PCDHA11: variants seen among roughly 807,000 people sequenced by gnomAD.
PCDHA11 encodes the protein protocadherin alpha 11.
PCDHA11 carries 61 observed loss-of-function variants against 70.3 expected under a neutral mutation model. The observed-to-expected ratio is 0.87, with a 90% CI of 0.71 to 1.07. The LOEUF (loss-of-function observed/expected upper bound fraction) is 1.07. Ranked by LOEUF, PCDHA11 falls within the 50% of genes least tolerant of loss-of-function variation. The pLI is 0.00. For synonymous variants in PCDHA11, 633 were observed against 555.1 expected (o/e 1.14, Z -1.97); for missense variants, 1,324 against 1,237.5 (o/e 1.07, Z -1.05).
chr5:140,870,132 C>T lies in PCDHA11; in HGVS notation c.1029C>T (p.Asn343=), dbSNP rs371110623. Residue 343 remains asparagine, a synonymous_variant, in exon 1 of 4, where the codon AAC becomes AAT. Coordinates refer to ENST00000398640, the MANE Select transcript of PCDHA11 (RefSeq NM_018902.5). ...TCTGGGTGGAAATCTTGGACACCAA[C>T]GATAACTCTCCTGAAGTCGCCGTGA... ...CTVWVEILDT[N]DNSPEVAVTS... 43 of 1,613,852 alleles carry T rather than the reference C, an allele frequency of 2.7e-5. No individual in the cohort carries two copies. Among genetic ancestry groups the T allele is most frequent in the East Asian group, 4.5e-5 (2 of 44,894 alleles).
intron 1 of PCDHA11, among the ~76,000 whole-genome samples, chr5:140,953,275 C>G (rs1290645865): frequency 6.6e-6 from 1 of 152,074 alleles, no homozygotes; most frequent in African/African-American, 2.4e-5. Context: ...AGCCTTTGCT[C>G]TTTATATGTG....
At chr5:140,952,242 C>T (rs1469286013) in intron 1 of PCDHA11, among the ~76,000 whole-genome samples, 2 of 151,750 alleles carry the variant, frequency 1.3e-5, no homozygotes, top group African/African-American at 4.8e-5. Context: ...CTGCTTAGAA[C>T]TGCTGGTGGA....
intron 1 of PCDHA11, chr5:140,926,972 C>G (rs782504064): frequency 1.3e-5 from 21 of 1,609,464 alleles, no homozygotes; most frequent in Non-Finnish European, 1.7e-5. Context: ...TACTCAGTGC[C>G]GGAGGAGACG....
rs371212960 is a variant in PCDHA11 at position 140,891,914 on chromosome 5, C to T, written c.2391+20420C>T. ...GCAGCAAGAAGATCTTCACCAGATG[C>T]TGGTGCCTTGATCTTGGACTTCCCC... On this transcript the variant is annotated intron_variant, in intron 1 of 3. Transcript: ENST00000398640. Among the ~76,000 whole-genome samples the T allele has an allele frequency of 2.6e-3, 395 of 152,328 alleles. 2 individuals carry two copies. The highest frequency in any genetic ancestry group is 9.2e-3 in the African/African-American group (384 of 41,572).
chr5:140,927,236 T>G, intron 1 of PCDHA11: 1 of 1,614,120 alleles, frequency 6.2e-7, no homozygotes, highest in Non-Finnish European at 8.5e-7. Context: ...ATTCACGTCC[T>G]GGACACCAAT....
intron 1 of PCDHA11, chr5:140,926,589 G>A: frequency 3.4e-6 from 1 of 292,780 alleles, no homozygotes; most frequent in Non-Finnish European, 6.2e-6. Context: ...TCTCGCGCCC[G>A]GGCGGGCGGC....
At chr5:140,915,772 G>A (rs1282338375) in intron 1 of PCDHA11, among the ~76,000 whole-genome samples, 1 of 151,950 alleles carries the variant, frequency 6.6e-6, no homozygotes, top group East Asian at 1.9e-4. Flanking sequence ...CTTGTCCAAG[G>A]CCTGCTGTAA....
intron 1 of PCDHA11, among the ~76,000 whole-genome samples, chr5:140,890,874 C>T (rs1337922727): frequency 6.6e-6 from 1 of 152,082 alleles, no homozygotes; most frequent in Admixed American, 6.6e-5. Flanking sequence ...CCCCTCTGAC[C>T]TTTCATCAGG....
chr5:140,988,247 TC>T (rs2097289620), intron 3 of PCDHA11, among the ~76,000 whole-genome samples: 1 of 152,148 alleles, frequency 6.6e-6, no homozygotes, highest in Admixed American at 6.5e-5. Context: ...GTGGGGCAGC[TC>T]CCGCCTGTGA....
intron 1 of PCDHA11, among the ~76,000 whole-genome samples, chr5:140,959,621 A>G (rs1198133284): frequency 6.6e-6 from 1 of 152,152 alleles, no homozygotes; most frequent in African/African-American, 2.4e-5. Flanking sequence ...CTTGTGATAG[A>G]AAAAAAGAGA....
At chr5:140,908,933 C>T (rs1554193565) in intron 1 of PCDHA11, among the ~76,000 whole-genome samples, 1 of 152,186 alleles carries the variant, frequency 6.6e-6, no homozygotes, top group East Asian at 1.9e-4. Context: ...AATGCAGCAA[C>T]TTATCCTTCA....
At chr5:141,000,824 T>C (rs1477357302) in intron 3 of PCDHA11, among the ~76,000 whole-genome samples, 1 of 152,064 alleles carries the variant, frequency 6.6e-6, no homozygotes, top group Non-Finnish European at 1.5e-5. Context: ...GGAGGATCAC[T>C]TGAGTCCAGG....
At chr5:140,915,368 T>G (rs1281630689) in intron 1 of PCDHA11, among the ~76,000 whole-genome samples, 1 of 152,216 alleles carries the variant, frequency 6.6e-6, no homozygotes, top group Non-Finnish European at 1.5e-5. Flanking sequence ...TACCAGTAAG[T>G]GTCTCGGCAT....
intron 1 of PCDHA11, among the ~76,000 whole-genome samples, chr5:140,908,560 C>T (rs1562965261): frequency 6.6e-6 from 1 of 152,198 alleles, no homozygotes; most frequent in Non-Finnish European, 1.5e-5. Context: ...AGGCCAAGAG[C>T]TGTCTCTCAA....
chr5:140,962,511 C>T (rs1164554453), intron 1 of PCDHA11, among the ~76,000 whole-genome samples: 1 of 152,106 alleles, frequency 6.6e-6, no homozygotes, highest in Non-Finnish European at 1.5e-5. Flanking sequence ...AGCCAACTAT[C>T]AATAATATAT....
In PCDHA11 at chr5:140,882,915, A is replaced by G. The variant is rs374032403; in HGVS notation, c.2391+11421A>G. The G allele has an allele frequency of 9.7e-5, 156 of 1,614,110 alleles. No individual in the cohort carries two copies. Among genetic ancestry groups the G allele is most frequent in the Non-Finnish European group, 1.2e-4 (140 of 1,180,046 alleles). ...CATAGTTTATTACTGACAGCCAGTG[A>G]TGGAGGTAAACCCGAGCTGACTGGC... is the stretch of plus-strand genomic sequence containing the variant. On this transcript the variant is annotated intron_variant, in intron 1 of 3. Transcript: ENST00000398640.
chr5:140,913,981 G>A (rs1222294742), intron 1 of PCDHA11, among the ~76,000 whole-genome samples: 1 of 152,090 alleles, frequency 6.6e-6, no homozygotes, highest in Non-Finnish European at 1.5e-5. Flanking sequence ...TTTAGGACTT[G>A]TATTGTGACT....
At chr5:140,896,191 C>T (rs987655303) in intron 1 of PCDHA11, among the ~76,000 whole-genome samples, 1 of 152,184 alleles carries the variant, frequency 6.6e-6, no homozygotes, top group African/African-American at 2.4e-5. Flanking sequence ...GTGAATAGTG[C>T]CATGATGAAC....
chr5:140,889,814 CATA>C (rs1463937516), intron 1 of PCDHA11, among the ~76,000 whole-genome samples: 6 of 152,048 alleles, frequency 3.9e-5, no homozygotes, highest in Non-Finnish European at 7.4e-5. Context: ...GAAGTCAGGT[CATA>C]AGAAGTCTTA....
Sources: allele counts gnomAD v4.1 joint callset (sites outside exome capture counted in the v4.1 genomes callset), GRCh38; gene constraint gnomAD v4.1.1; transcripts MANE v1.5; gene names NCBI Gene and HGNC (gene_info 2026-07-23, HGNC 2026-07-21).